Variants in GABBR2 observed in about 807,000 individuals in gnomAD.
The protein encoded by GABBR2 is gamma-aminobutyric acid type B receptor subunit 2.
A neutral mutation model predicts 105.6 loss-of-function variants in GABBR2; 23 were observed. That is an observed-to-expected ratio of 0.22 (90% CI 0.16 to 0.31). The LOEUF (loss-of-function observed/expected upper bound fraction) is 0.31, where lower values mean the gene tolerates loss of function less well. Ranked by LOEUF, GABBR2 falls within the 10% of genes least tolerant of loss-of-function variation. GABBR2 has a pLI of 1.00. For missense variants in GABBR2, 734 were observed against 1,245.5 expected, an observed-to-expected ratio of 0.59 and a Z score of 6.18; for synonymous variants, 478 against 499.7, an observed-to-expected ratio of 0.96 and a Z score of 0.58.
intron 3 of GABBR2, among the ~76,000 whole-genome samples, chr9:98,510,918 A>C: frequency 6.6e-6 from 1 of 152,234 alleles, no homozygotes; most frequent in African/African-American, 2.4e-5. Flanking sequence ...ATAGACATCT[A>C]CAGAACTCTC....
intron 1 of GABBR2, among the ~76,000 whole-genome samples, chr9:98,660,142 T>A (rs1005462554): frequency 6.6e-6 from 1 of 152,208 alleles, no homozygotes; most frequent in Non-Finnish European, 1.5e-5. Context: ...ATTTATTCAA[T>A]CAATTCTTTC....
At chr9:98,503,820 T>C (rs1288820002) in intron 3 of GABBR2, among the ~76,000 whole-genome samples, 1 of 152,144 alleles carries the variant, frequency 6.6e-6, no homozygotes, top group Non-Finnish European at 1.5e-5. Flanking sequence ...ACTTTGGGAC[T>C]ACATGTTGGA....
At chr9:98,605,966 T>TGCCCCAAACCAAACTCCTG (rs1300323359) in intron 1 of GABBR2, among the ~76,000 whole-genome samples, 1 of 151,930 alleles carries the variant, frequency 6.6e-6, no homozygotes, top group Non-Finnish European at 1.5e-5. Context: ...GATGTTCCCC[T>TGCCCCAAACCAAACTCCTG]TCCTGTGTCC....
At chr9:98,382,973 T>G (rs920633146) in intron 11 of GABBR2, among the ~76,000 whole-genome samples, 5 of 151,646 alleles carry the variant, frequency 3.3e-5, no homozygotes, top group Admixed American at 2.6e-4. Flanking sequence ...GGAGTTTCAC[T>G]CCTGTGGCCC....
At chr9:98,384,419 C>T (rs148978018) in intron 11 of GABBR2, among the ~76,000 whole-genome samples, 1,725 of 152,100 alleles carry the variant, frequency 0.011, 37 homozygotes, top group African/African-American at 0.039. Flanking sequence ...GGAGAAACCC[C>T]GTCTCTACTA....
chr9:98,659,553 G>A (rs1414304717), intron 1 of GABBR2, among the ~76,000 whole-genome samples: 5 of 87,934 alleles, frequency 5.7e-5, no homozygotes, highest in Non-Finnish European at 1.0e-4. Flanking sequence ...ACTGAGTCTT[G>A]CTCTATTGCC....
At chr9:98,362,176 C>T (rs1227541125) in intron 13 of GABBR2, among the ~76,000 whole-genome samples, 1 of 152,210 alleles carries the variant, frequency 6.6e-6, no homozygotes, top group African/African-American at 2.4e-5. Flanking sequence ...TCTGGAGAAT[C>T]CTAGAAAGAC....
intron 6 of GABBR2, among the ~76,000 whole-genome samples, chr9:98,463,625 C>T (rs941705856): frequency 1.5e-4 from 23 of 151,856 alleles, no homozygotes; most frequent in South Asian, 6.2e-4. Context: ...CTCTCGCTCT[C>T]CGTCTCGCTC....
chr9:98,642,062 T>C (rs1314062446), intron 1 of GABBR2, among the ~76,000 whole-genome samples: 2 of 152,188 alleles, frequency 1.3e-5, no homozygotes, highest in Non-Finnish European at 2.9e-5. Context: ...CAGTTCTGCT[T>C]CCAGGGCGCA....
intron 3 of GABBR2, among the ~76,000 whole-genome samples, chr9:98,514,923 C>G (rs200753545): frequency 7.2e-5 from 11 of 152,242 alleles, no homozygotes; most frequent in African/African-American, 2.6e-4. Flanking sequence ...GATATCACTT[C>G]GTGCATCCCT....
At chr9:98,607,500 C>T in intron 1 of GABBR2, 1 of 578,678 alleles carries the variant, frequency 1.7e-6, no homozygotes, top group Non-Finnish European at 3.1e-6. Context: ...ATATGAATTT[C>T]TAGAAACATA....
At chr9:98,646,728 G>C (rs1032643260) in intron 1 of GABBR2, among the ~76,000 whole-genome samples, 13 of 152,102 alleles carry the variant, frequency 8.5e-5, no homozygotes, top group South Asian at 4.1e-4. Context: ...TATCTCTCTG[G>C]TATTGCAGGA....
chr9:98,527,986 G>T (rs961916477), intron 3 of GABBR2, among the ~76,000 whole-genome samples: 1 of 152,150 alleles, frequency 6.6e-6, no homozygotes, highest in African/African-American at 2.4e-5. Context: ...AGCCACATGT[G>T]ATTATCAAGC....
At chr9:98,423,749 T>G (rs1832826062) in intron 7 of GABBR2, among the ~76,000 whole-genome samples, 1 of 152,038 alleles carries the variant, frequency 6.6e-6, no homozygotes, top group East Asian at 1.9e-4. Context: ...GTGTAACGTT[T>G]AAGTCTTTAA....
At chr9:98,532,156 A>G (rs185854918) in intron 3 of GABBR2, among the ~76,000 whole-genome samples, 2 of 152,364 alleles carry the variant, frequency 1.3e-5, no homozygotes, top group East Asian at 3.9e-4. Flanking sequence ...CAAAAATCAT[A>G]TCACATATTT....
At chr9:98,338,284 A>T (rs1831151236) in intron 13 of GABBR2, among the ~76,000 whole-genome samples, 2 of 152,182 alleles carry the variant, frequency 1.3e-5, no homozygotes, top group African/African-American at 4.8e-5. Flanking sequence ...CACTTTATCA[A>T]AATTAAAATT....
At chr9:98,450,640 C>T (rs1024321174) in intron 7 of GABBR2, among the ~76,000 whole-genome samples, 1 of 152,090 alleles carries the variant, frequency 6.6e-6, no homozygotes, top group Non-Finnish European at 1.5e-5. Flanking sequence ...TTTTCTGGAC[C>T]TCAGACACTC....
intron 3 of GABBR2, among the ~76,000 whole-genome samples, chr9:98,523,759 T>C (rs368358067): frequency 2.0e-5 from 3 of 152,184 alleles, no homozygotes; most frequent in East Asian, 1.9e-4. Flanking sequence ...AGCTTTCTAT[T>C]AGAAAACCCA....
At chr9:98,627,715 T>C (rs989422687) in intron 1 of GABBR2, among the ~76,000 whole-genome samples, 2 of 152,246 alleles carry the variant, frequency 1.3e-5, no homozygotes, top group South Asian at 4.1e-4. Context: ...TGAAGCCCTA[T>C]GGCCATTCTC....
Sources: gnomAD v4.1 joint callset for allele counts (sites outside exome capture counted in the v4.1 genomes callset) on GRCh38, gnomAD v4.1.1 for gene constraint, MANE v1.5 for transcripts, NCBI Gene and HGNC (gene_info 2026-07-23, HGNC 2026-07-21) for gene names.